SMARCC1: variants seen among roughly 807,000 people sequenced by gnomAD.
SMARCC1 encodes the protein SWI/SNF complex subunit SMARCC1.
A neutral mutation model predicts 147.4 loss-of-function variants in SMARCC1; 43 were observed. That is an observed-to-expected ratio of 0.29 (90% CI 0.23 to 0.38). The LOEUF is 0.38. Ranked by LOEUF, SMARCC1 falls within the 10% of genes least tolerant of loss-of-function variation. The pLI is 1.00. For synonymous variants in SMARCC1, 495 were observed against 484.4 expected, an observed-to-expected ratio of 1.02 and a Z score of -0.29; for missense variants, 1,119 against 1,381.1, an observed-to-expected ratio of 0.81 and a Z score of 3.01.
chr3:47,766,360 G>A (rs1366203339), intron 2 of SMARCC1, among the ~76,000 whole-genome samples: 1 of 151,232 alleles, frequency 6.6e-6, no homozygotes, highest in Admixed American at 6.6e-5. Flanking sequence ...GAGCCCAGGA[G>A]TTCGAGAACA....
intron 21 of SMARCC1, among the ~76,000 whole-genome samples, 195 bp from the exon 22 acceptor site, chr3:47,638,975 T>C (rs1265843034): frequency 6.6e-6 from 1 of 152,046 alleles, no homozygotes; most frequent in African/African-American, 2.4e-5. Flanking sequence ...AGGTGAAAAG[T>C]AATCTATGGT....
chr3:47,760,194 T>C (rs1250651757), intron 2 of SMARCC1, among the ~76,000 whole-genome samples: 1 of 151,560 alleles, frequency 6.6e-6, no homozygotes, highest in Non-Finnish European at 1.5e-5. Context: ...GCACACCTGT[T>C]AATCAGCTAC....
At chr3:47,641,348 ATGG>A (rs1448825437) in intron 21 of SMARCC1, among the ~76,000 whole-genome samples, 1 of 152,194 alleles carries the variant, frequency 6.6e-6, no homozygotes, top group Non-Finnish European at 1.5e-5. Flanking sequence ...CGAGCCAGGC[ATGG>A]TGATGAGCAC....
At chr3:47,633,783 C>T (rs943265274) in intron 24 of SMARCC1, among the ~76,000 whole-genome samples, 368 of 25,052 alleles carry the variant, frequency 0.015, 20 homozygotes, top group East Asian at 0.043. Context: ...TATATATACA[C>T]ACACACACAC....
intron 22 of SMARCC1, among the ~76,000 whole-genome samples, chr3:47,637,689 G>A (rs1203589507): frequency 1.3e-5 from 2 of 149,124 alleles, no homozygotes; most frequent in African/African-American, 5.0e-5. Context: ...TCCAGCCTGT[G>A]CGACAGAGTG....
chr3:47,612,606 A>G (rs1021006755), intron 25 of SMARCC1, among the ~76,000 whole-genome samples: 12 of 152,232 alleles, frequency 7.9e-5, no homozygotes, highest in Non-Finnish European at 1.5e-5. Flanking sequence ...TCTACTAATA[A>G]GAGGATGAGA....
intron 6 of SMARCC1, among the ~76,000 whole-genome samples, chr3:47,723,104 T>C (rs986487308): frequency 1.1e-4 from 16 of 152,156 alleles, no homozygotes; most frequent in African/African-American, 3.6e-4. Context: ...TATACTCAGA[T>C]TGGTTGGTTT....
At chr3:47,660,814 C>T (rs2033335599) in intron 21 of SMARCC1, among the ~76,000 whole-genome samples, 7 of 152,050 alleles carry the variant, frequency 4.6e-5, no homozygotes, top group Admixed American at 4.6e-4. Flanking sequence ...TGGTGATAGA[C>T]ACACAGCATT....
intron 6 of SMARCC1, among the ~76,000 whole-genome samples, chr3:47,727,658 C>T (rs958076742): frequency 2.6e-5 from 4 of 151,648 alleles, no homozygotes; most frequent in African/African-American, 4.8e-5. Context: ...TCTTCTTGCC[C>T]GGGCTAGAGC....
At chr3:47,603,924 G>T (rs1366499750) in intron 26 of SMARCC1, 1 of 414,288 alleles carries the variant, frequency 2.4e-6, no homozygotes, top group Non-Finnish European at 4.8e-6. Flanking sequence ...CCAAAAGTTG[G>T]AGTTATCAGG....
intron 24 of SMARCC1, among the ~76,000 whole-genome samples, chr3:47,628,059 A>ATT (rs199527588): frequency 0.046 from 6,873 of 151,054 alleles, 519 homozygotes; most frequent in African/African-American, 0.16. Context: ...ATATATATAT[A>ATT]TTTTTTCTTT....
At chr3:47,624,118 C>T (rs1350243545) in intron 24 of SMARCC1, among the ~76,000 whole-genome samples, 4 of 151,920 alleles carry the variant, frequency 2.6e-5, no homozygotes, top group Non-Finnish European at 2.9e-5. Flanking sequence ...AGCAAAAACC[C>T]TGTCTCTACT....
chr3:47,656,720 G>A (rs1227651737), intron 21 of SMARCC1, among the ~76,000 whole-genome samples: 2 of 152,024 alleles, frequency 1.3e-5, no homozygotes, highest in East Asian at 3.9e-4. Flanking sequence ...TTCGAGACCA[G>A]CCAGGAAATA....
intron 10 of SMARCC1, among the ~76,000 whole-genome samples, chr3:47,703,095 A>T (rs960527140): frequency 3.4e-5 from 5 of 148,890 alleles, no homozygotes; most frequent in African/African-American, 1.2e-4. Flanking sequence ...GCACCGGCTA[A>T]TTTTTTTTTT....
intron 26 of SMARCC1, among the ~76,000 whole-genome samples, chr3:47,598,407 C>T (rs1198922980): frequency 6.6e-6 from 1 of 152,080 alleles, no homozygotes; most frequent in Admixed American, 6.5e-5. Flanking sequence ...ACAGGTTGCT[C>T]GCTTCCACCA....
chr3:47,729,654 G>C (rs945852263), intron 5 of SMARCC1, among the ~76,000 whole-genome samples: 1 of 152,148 alleles, frequency 6.6e-6, no homozygotes, highest in African/African-American at 2.4e-5. Context: ...CCAAAGTTCT[G>C]GGATTAAAGA....
chr3:47,596,580 T>A (rs866878914), intron 26 of SMARCC1, among the ~76,000 whole-genome samples: 2,978 of 147,340 alleles, frequency 0.02, 38 homozygotes, highest in Admixed American at 0.024. Flanking sequence ...AAAAAAAAAA[T>A]AAATAAATAA....
chr3:47,754,091 T>C (rs1171273853), intron 2 of SMARCC1, among the ~76,000 whole-genome samples: 1 of 152,198 alleles, frequency 6.6e-6, no homozygotes, highest in Non-Finnish European at 1.5e-5. Context: ...GCTACCGTAA[T>C]AGTCTTGGAG....
Position 47,613,628 on chromosome 3 carries a change from C to A in SMARCC1, c.2782-3301G>T, listed in dbSNP as rs532416715. On this transcript the variant is annotated intron_variant, in intron 25 of 27. Transcript: ENST00000254480. The stretch of plus-strand genomic sequence containing the variant: ...GCCCGCCTCAGCCTCCTAAAGTGCA[C>A]AGGCATGAGCCACTGCTCCTGGCCA... Among the ~76,000 whole-genome samples, 7 of 152,268 alleles carry A rather than the reference C, an allele frequency of 4.6e-5. No homozygotes were observed. The South Asian group carries it at 1.5e-3, about 32-fold the overall frequency.
Sources: allele counts gnomAD v4.1 joint callset (sites outside exome capture counted in the v4.1 genomes callset), GRCh38; gene constraint gnomAD v4.1.1; transcripts MANE v1.5; gene names NCBI Gene and HGNC (gene_info 2026-07-23, HGNC 2026-07-21).